The following DNAJB12 variants were observed in gnomAD, a reference collection of about 807,000 sequenced individuals.
The protein encoded by DNAJB12 is DnaJ heat shock protein family (Hsp40) member B12, also known as dnaJ homolog subfamily B member 12.
In DNAJB12, 14 loss-of-function variants were observed where a neutral mutation model predicts 40.6. The observed-to-expected ratio is 0.34, with a 90% CI of 0.23 to 0.54. The LOEUF (loss-of-function observed/expected upper bound fraction) is 0.54, where lower values mean the gene tolerates loss of function less well. DNAJB12 is among the 20% of genes least tolerant of loss of function. The probability of loss-of-function intolerance (pLI) is 0.92; values close to 1 mark genes in which losing one functional copy is unlikely to be tolerated. For missense variants in DNAJB12, 444 were observed against 501.7 expected, an observed-to-expected ratio of 0.89 and a Z score of 1.10; for synonymous variants, 181 against 199.5, an observed-to-expected ratio of 0.91 and a Z score of 0.78.
intron 3 of DNAJB12, among the ~76,000 whole-genome samples, chr10:72,342,375 C>T (rs532595299): frequency 4.2e-4 from 64 of 152,362 alleles, no homozygotes; most frequent in African/African-American, 1.4e-3. Context: ...ATAAGGAGCG[C>T]GGAATCGTCT....
intron 1 of DNAJB12, among the ~76,000 whole-genome samples, chr10:72,347,341 T>C (rs1346539254): frequency 1.3e-5 from 2 of 152,174 alleles, no homozygotes; most frequent in Non-Finnish European, 2.9e-5. Context: ...AAAAGTACCC[T>C]GCAAAGGGGA....
intron 6 of DNAJB12, 69 bp downstream of exon 6, chr10:72,338,129 AGAAG>A (rs1376798961): frequency 7.6e-7 from 1 of 1,310,650 alleles, no homozygotes; most frequent in African/African-American, 1.5e-5. Context: ...AGGATGGGAA[AGAAG>A]GCCCCTGATG....
At position 72,334,508 on chromosome 10, in the gene DNAJB12, G is replaced by C. The variant is rs969679484; in HGVS notation, c.*140C>G. On this transcript the variant is annotated 3_prime_UTR_variant, in exon 9 of 9. Coordinates refer to ENST00000444643, the MANE Select transcript of DNAJB12 (RefSeq NM_017626.7). ...GAGAGAGGGCAGCTGTGCAGCGTTC[G>C]GCCTCCAATTCCATTTTAATTTTGT... is the stretch of plus-strand genomic sequence containing the variant. The C allele has an allele frequency of 1.4e-6, 2 of 1,475,740 alleles. No homozygotes were observed. The highest frequency in any genetic ancestry group is 2.5e-5 in the East Asian group (1 of 40,582). 91.4% of individuals were successfully genotyped at this position (1,475,740 alleles called of 1,614,324 possible).
rs1466859880 is a variant in DNAJB12 at position 72,334,344 on chromosome 10, AC to A, written c.*303del. The A allele has an allele frequency of 1.1e-5, 6 of 527,376 alleles. No individual in the cohort carries two copies. The highest frequency in any genetic ancestry group is 1.6e-5 in the Non-Finnish European group (5 of 304,330). 32.7% of individuals were successfully genotyped at this position (527,376 alleles called of 1,614,324 possible). ...CCCACTGATATCTGCTGCGAGTTTT[AC>A]ATTCTACTTTCGTTGCCATGGTTTC... On this transcript the variant is annotated 3_prime_UTR_variant, in exon 9 of 9. Transcript: ENST00000444643.
rs1266156416 is a variant in DNAJB12 at position 72,335,992 on chromosome 10, C to G, written c.1007-61G>C. The G allele has an allele frequency of 6.3e-6, 10 of 1,596,950 alleles. No homozygotes were observed. The South Asian group carries it at 7.8e-5, about 13-fold the overall frequency. On this transcript the variant is annotated intron_variant, in intron 7 of 8. Coordinates refer to ENST00000444643, the MANE Select transcript of DNAJB12 (RefSeq NM_017626.7). The surrounding 1 kb of genome is among the most constrained non-coding windows in gnomAD (Gnocchi z 4.4). ...GTACCTCCCGAAGCCTGCAAGGAAG[C>G]CTGCGAGGGCTGTGGAGGGCGGAGG...
intron 1 of DNAJB12, among the ~76,000 whole-genome samples, chr10:72,350,719 C>A (rs1179943208): frequency 2.6e-5 from 4 of 152,180 alleles, no homozygotes; most frequent in African/African-American, 9.7e-5. Context: ...TGGGTCTTTG[C>A]TGGCTAGCCA....
intron 1 of DNAJB12, among the ~76,000 whole-genome samples, chr10:72,352,319 C>T (rs887457027): frequency 5.3e-5 from 8 of 152,208 alleles, no homozygotes; most frequent in Non-Finnish European, 1.0e-4. Flanking sequence ...TCCACTGCCT[C>T]TAAATCTTGC....
At chr10:72,354,680 C>G (rs540990141) in intron 1 of DNAJB12, 85 bp downstream of exon 1, 1 of 1,303,020 alleles carries the variant, frequency 7.7e-7, no homozygotes, top group South Asian at 1.4e-5. Flanking sequence ...ACCCCTCCCC[C>G]TCCCCCAACT....
Position 72,333,503 on chromosome 10 carries a change from G to C in DNAJB12, c.*1145C>G, listed in dbSNP as rs1861375191. ...AGCCACGGGCACTGCCTTTTCTTCA[G>C]GAGTCGAGGAGGCTGCCCTGGGGTC... On this transcript the variant is annotated 3_prime_UTR_variant, in exon 9 of 9. Transcript: ENST00000444643. The C allele has an allele frequency of 6.6e-6, 1 of 152,630 alleles. No individual in the cohort carries two copies. The highest frequency in any genetic ancestry group is 1.5e-5 in the Non-Finnish European group (1 of 68,068). 9.5% of individuals were successfully genotyped at this position (152,630 alleles called of 1,614,324 possible).
rs977560814 is a variant in DNAJB12 at position 72,343,612 on chromosome 10, G to C, written c.312-101C>G. ...GGGCGCACAGCTCTGGGCAGGCTGC[G>C]GGGGACCAACAGGGCAAGGCTGACA... On this transcript the variant is annotated intron_variant, in intron 2 of 8. Coordinates refer to ENST00000444643, the MANE Select transcript of DNAJB12 (RefSeq NM_017626.7). 5 of 1,329,558 alleles carry C rather than the reference G, an allele frequency of 3.8e-6. No homozygotes were observed. In the African/African-American group the frequency reaches 7.3e-5, roughly 19 times the overall value. 82.4% of individuals were successfully genotyped at this position (1,329,558 alleles called of 1,614,324 possible).
At position 72,344,972 on chromosome 10, in the gene DNAJB12, CT is replaced by C; in HGVS notation, c.288del (p.Glu97AsnfsTer6). 1 of 1,614,234 alleles carries C rather than the reference CT, an allele frequency of 6.2e-7. No individual in the cohort carries two copies. Among genetic ancestry groups the C allele is most frequent in the Non-Finnish European group, 8.5e-7 (1 of 1,180,046 alleles). ...TACCTTTTCACAGCTGCAACCTGTT[CT>C]GCAGTGTAGCCTTTGGTGCTCTCTC... is the stretch of plus-strand genomic sequence containing the variant. ...AGGESTKGYTAEQVAAVKRVK... is the reference protein window; with the variant it reads ...AGGESTKGYTXEQVAAVKRVK... On this transcript the variant is annotated frameshift_variant, in exon 2 of 9. Transcript: ENST00000444643. LOFTEE classifies it high-confidence loss of function.
intron 1 of DNAJB12, chr10:72,353,961 A>C (rs2132011835): frequency 6.6e-6 from 1 of 152,378 alleles, no homozygotes; most frequent in African/African-American, 2.4e-5. Context: ...GAAAAAAGAA[A>C]GGGTTCCCGG....
chr10:72,349,702 G>A (rs991298293), intron 1 of DNAJB12, among the ~76,000 whole-genome samples: 7 of 152,128 alleles, frequency 4.6e-5, no homozygotes, highest in African/African-American at 1.7e-4. Flanking sequence ...GCTCTCTCTT[G>A]TACCTCTCAG....
At chr10:72,336,904 G>A (rs945574501) in intron 6 of DNAJB12, 19 of 471,878 alleles carry the variant, frequency 4.0e-5, no homozygotes, top group Admixed American at 2.9e-4. Context: ...ACCGCAGGAC[G>A]CCCTGCCTTT....
At position 72,340,947 on chromosome 10, in the gene DNAJB12, C is replaced by A. The variant is rs763369473; in HGVS notation, c.643+38G>T. 6.2e-6 allele frequency: 10 copies of A among 1,609,800 alleles called. No individual in the cohort carries two copies. The Admixed American group carries it at 1.3e-4, about 22-fold the overall frequency. ...CTGGCATGCCATTCCCACCATCACC[C>A]CAGGGATACCTGGCTGTGGGGAGGG... On this transcript the variant is annotated intron_variant, in intron 4 of 8. Transcript: ENST00000444643.
intron 8 of DNAJB12, chr10:72,334,919 A>C: frequency 8.1e-7 from 1 of 1,227,086 alleles, no homozygotes; most frequent in Admixed American, 4.2e-5. Flanking sequence ...GGCTTGGCTG[A>C]AGTGGCCACC....
chr10:72,340,941 A>G, intron 4 of DNAJB12, 44 bp downstream of exon 4: 2 of 1,609,278 alleles, frequency 1.2e-6, no homozygotes, highest in South Asian at 1.1e-5. Context: ...CATTCCCACC[A>G]TCACCCCAGG....
chr10:72,336,106 G>A lies in DNAJB12; in HGVS notation c.1007-175C>T, dbSNP rs182833122. 1.5e-3 allele frequency among the ~76,000 whole-genome samples: 229 copies of A among 152,320 alleles called. 3 individuals are homozygous for A. Among genetic ancestry groups the A allele is most frequent in the Admixed American group, 0.014 (218 of 15,296 alleles). On this transcript the variant is annotated intron_variant, in intron 7 of 8. Coordinates refer to ENST00000444643, the MANE Select transcript of DNAJB12 (RefSeq NM_017626.7). ...CAGAGACTACAGTCCTTATGTGGGCGAGGGTGACAGAGGCGCCTTTCTCTA... is the reference window on the plus strand; with the variant it reads ...CAGAGACTACAGTCCTTATGTGGGCAAGGGTGACAGAGGCGCCTTTCTCTA...
chr10:72,352,784 AC>A (rs1435255441), intron 1 of DNAJB12, among the ~76,000 whole-genome samples: 3 of 152,184 alleles, frequency 2.0e-5, no homozygotes, highest in Admixed American at 6.5e-5. Context: ...GACTTTGCAA[AC>A]AAAACATAAA....
Sources: gnomAD v4.1 joint callset for allele counts (sites outside exome capture counted in the v4.1 genomes callset) on GRCh38, gnomAD v4.1.1 for gene constraint, Gnocchi (gnomAD v3.1) non-coding constraint, MANE v1.5 for transcripts, NCBI Gene and HGNC (gene_info 2026-07-23, HGNC 2026-07-21) for gene names.